ADTRP: variants seen among roughly 807,000 people sequenced by gnomAD.
ADTRP encodes the protein androgen dependent TFPI regulating protein, also known as androgen-dependent TFPI-regulating protein.
A neutral mutation model predicts 27.0 loss-of-function variants in ADTRP; 20 were observed. The ratio of observed to expected loss-of-function variants is 0.74; its 90% CI spans 0.52 to 1.08. The LOEUF (loss-of-function observed/expected upper bound fraction) is 1.08. Among genes scored for constraint, ADTRP ranks in the 50% least tolerant of loss-of-function variants. The probability of loss-of-function intolerance (pLI) is 0.00; values close to 1 mark genes in which losing one functional copy is unlikely to be tolerated. For synonymous variants in ADTRP, 101 were observed against 105.2 expected (o/e 0.96, Z 0.25); for missense variants, 251 against 275.0 (o/e 0.91, Z 0.62).
chr6:11,747,414 A>G (rs1256455599), intron 3 of ADTRP, among the ~76,000 whole-genome samples: 1 of 152,196 alleles, frequency 6.6e-6, no homozygotes, highest in African/African-American at 2.4e-5. Context: ...TTGTTTGTGT[A>G]GGGCACTTTA....
At chr6:11,761,941 G>A (rs1002502517) in intron 3 of ADTRP, among the ~76,000 whole-genome samples, 4 of 152,156 alleles carry the variant, frequency 2.6e-5, no homozygotes, top group Non-Finnish European at 1.5e-5. Context: ...TTGAGGGTGA[G>A]GAATCAGGAA....
chr6:11,772,165 C>T (rs1763805282), intron 1 of ADTRP, among the ~76,000 whole-genome samples: 1 of 152,190 alleles, frequency 6.6e-6, no homozygotes, highest in South Asian at 2.1e-4. Context: ...CCTGCTGCTC[C>T]CTGATTTATC....
chr6:11,758,395 A>G (rs1763280176), intron 3 of ADTRP, among the ~76,000 whole-genome samples: 1 of 152,106 alleles, frequency 6.6e-6, no homozygotes, highest in Non-Finnish European at 1.5e-5. Context: ...GCTACGTGAA[A>G]CACAGCCTCC....
chr6:11,770,305 A>G (rs549768146), intron 1 of ADTRP, among the ~76,000 whole-genome samples: 3 of 152,164 alleles, frequency 2.0e-5, no homozygotes, highest in South Asian at 4.1e-4. Context: ...AGGTGATTCT[A>G]ATCACGGGCA....
intron 3 of ADTRP, among the ~76,000 whole-genome samples, chr6:11,760,439 C>G (rs910878868): frequency 6.6e-6 from 1 of 152,174 alleles, no homozygotes; most frequent in Non-Finnish European, 1.5e-5. Flanking sequence ...CGACACTGCA[C>G]TGGGTTTCCT....
intron 4 of ADTRP, chr6:11,728,270 A>T (rs1762280837): frequency 6.6e-6 from 1 of 152,326 alleles, no homozygotes; most frequent in Non-Finnish European, 1.5e-5. Flanking sequence ...CCTAAAAGCG[A>T]GCTCTGTCCA....
At chr6:11,774,703 A>G (rs1379263646) in intron 1 of ADTRP, among the ~76,000 whole-genome samples, 1 of 152,202 alleles carries the variant, frequency 6.6e-6, no homozygotes. Flanking sequence ...CCCACCTCTA[A>G]CAATGTTTCA....
rs55961408 is a variant in ADTRP, at chr6:11,715,806, C to CTTTTTTT, written c.659-1301_659-1295dup. ...TAGAGGTGCACACCACCATGCCCAG[C>CTTTTTTT]TTTTTTTTTTTTTTTTTTTTTTTTT... On this transcript the variant is annotated intron_variant, in intron 5 of 5. Coordinates refer to ENST00000414691, the MANE Select transcript of ADTRP (RefSeq NM_032744.4). Among the ~76,000 whole-genome samples, 5 of 77,726 alleles carry CTTTTTTT rather than the reference C, an allele frequency of 6.4e-5. 2 individuals carry two copies. The highest frequency in any genetic ancestry group is 1.3e-4 in the African/African-American group (2 of 15,896). The allele number at this position is 77,726 out of a possible 152,430, so 51.0% of individuals were successfully genotyped here. A position where few individuals can be genotyped will look rare whatever the true frequency, so the allele number is the denominator to read the frequency against.
intron 3 of ADTRP, among the ~76,000 whole-genome samples, chr6:11,764,832 G>A (rs887488024): frequency 1.1e-4 from 17 of 148,404 alleles, no homozygotes; most frequent in African/African-American, 4.0e-4. Flanking sequence ...AAAGAAGGCT[G>A]TGTGAATTAA....
At chr6:11,729,365 G>A (rs998965376) in intron 4 of ADTRP, among the ~76,000 whole-genome samples, 19 of 152,044 alleles carry the variant, frequency 1.2e-4, no homozygotes, top group African/African-American at 4.6e-4. Flanking sequence ...TAGAGCTGTT[G>A]CCCAACCCCT....
At chr6:11,753,602 G>C (rs1270542785) in intron 3 of ADTRP, among the ~76,000 whole-genome samples, 1 of 152,160 alleles carries the variant, frequency 6.6e-6, no homozygotes, top group African/African-American at 2.4e-5. Flanking sequence ...GTCAGAAAGA[G>C]TATGCATATT....
At chr6:11,715,157 G>A (rs1033201191) in intron 5 of ADTRP, among the ~76,000 whole-genome samples, 6 of 151,610 alleles carry the variant, frequency 4.0e-5, no homozygotes, top group Admixed American at 3.9e-4. Flanking sequence ...ATTATCCTTT[G>A]TGCTTGTTGC....
At chr6:11,752,007 T>C (rs1763070698) in intron 3 of ADTRP, among the ~76,000 whole-genome samples, 1 of 152,202 alleles carries the variant, frequency 6.6e-6, no homozygotes, top group Non-Finnish European at 1.5e-5. Flanking sequence ...TGTCACACAG[T>C]AGGTAGATGA....
intron 5 of ADTRP, 87 bp downstream of exon 5, chr6:11,723,262 C>T (rs776931207): frequency 3.4e-5 from 51 of 1,499,324 alleles, no homozygotes; most frequent in Middle Eastern, 1.9e-4. Context: ...CTTCTGTTTG[C>T]GGCTAGTTTT....
intron 5 of ADTRP, among the ~76,000 whole-genome samples, chr6:11,721,062 TAAAA>T (rs1212095380): frequency 6.6e-6 from 1 of 152,076 alleles, no homozygotes; most frequent in Non-Finnish European, 1.5e-5. Flanking sequence ...AAAGCAGTAG[TAAAA>T]CCGCAGTCAT....
intron 1 of ADTRP, among the ~76,000 whole-genome samples, chr6:11,778,037 T>A (rs575323726): frequency 1.1e-4 from 17 of 152,198 alleles, no homozygotes; most frequent in Non-Finnish European, 2.2e-4. Context: ...GGTTTTTAAA[T>A]AGTTGAAAAT....
intron 5 of ADTRP, among the ~76,000 whole-genome samples, chr6:11,718,741 C>T (rs1761915551): frequency 6.6e-6 from 1 of 152,224 alleles, no homozygotes; most frequent in Admixed American, 6.5e-5. Context: ...GCCCAACCCT[C>T]TGCCTCATGA....
At chr6:11,747,387 A>T (rs1762900019) in intron 3 of ADTRP, among the ~76,000 whole-genome samples, 1 of 152,216 alleles carries the variant, frequency 6.6e-6, no homozygotes, top group African/African-American at 2.4e-5. Flanking sequence ...CACAAAAAGC[A>T]CAAGGGTTTG....
intron 3 of ADTRP, among the ~76,000 whole-genome samples, chr6:11,758,735 A>G (rs929365895): frequency 1.3e-5 from 2 of 151,814 alleles, no homozygotes; most frequent in Non-Finnish European, 2.9e-5. Flanking sequence ...AAAATAAATA[A>G]ATAAATAATA....
Sources: allele counts gnomAD v4.1 joint callset (sites outside exome capture counted in the v4.1 genomes callset), GRCh38; gene constraint gnomAD v4.1.1; transcripts MANE v1.5; gene names NCBI Gene and HGNC (gene_info 2026-07-23, HGNC 2026-07-21).